The following SCARA5 variants were observed in gnomAD, a reference collection of about 807,000 sequenced individuals.
SCARA5 encodes scavenger receptor class A member 5.
A neutral mutation model predicts 46.3 loss-of-function variants in SCARA5; 45 were observed. The observed-to-expected ratio is 0.97, with a 90% CI of 0.76 to 1.24. The LOEUF (loss-of-function observed/expected upper bound fraction) is 1.24, where lower values mean the gene tolerates loss of function less well. Ranked by LOEUF, SCARA5 falls within the 50% of genes most tolerant of loss-of-function variation. The pLI, the probability that SCARA5 is intolerant of heterozygous loss-of-function variation, is 0.00. For missense variants in SCARA5, 680 were observed against 689.0 expected (o/e 0.99, Z 0.15); for synonymous variants, 333 against 306.5 (o/e 1.09, Z -0.90).
At chr8:27,917,678 G>C (rs1807484033) in intron 4 of SCARA5, among the ~76,000 whole-genome samples, 1 of 152,206 alleles carries the variant, frequency 6.6e-6, no homozygotes, top group Non-Finnish European at 1.5e-5. Context: ...CCTTTTTGCA[G>C]GATGTGAGGA....
At chr8:27,938,141 C>G (rs1807886557) in intron 3 of SCARA5, among the ~76,000 whole-genome samples, 1 of 152,086 alleles carries the variant, frequency 6.6e-6, no homozygotes, top group Non-Finnish European at 1.5e-5. Context: ...GAAGAGCCTA[C>G]AATGAGCCCA....
intron 3 of SCARA5, among the ~76,000 whole-genome samples, chr8:27,940,737 C>T (rs1249998937): frequency 1.7e-5 from 2 of 117,696 alleles, no homozygotes. Flanking sequence ...CACCCATCTG[C>T]CCATCCACCC....
chr8:27,987,666 G>A (rs1163086420), intron 1 of SCARA5, 36 bp from the exon 2 acceptor site: 17 of 1,241,878 alleles, frequency 1.4e-5, no homozygotes, highest in East Asian at 2.3e-5. Flanking sequence ...GAGGGAGGAC[G>A]AAGGCCGGGA....
At chr8:27,910,881 A>C (rs1273016301) in intron 4 of SCARA5, among the ~76,000 whole-genome samples, 1 of 152,184 alleles carries the variant, frequency 6.6e-6, no homozygotes, top group East Asian at 1.9e-4. Flanking sequence ...GGATTCTGTC[A>C]TACATGATTG....
intron 3 of SCARA5, among the ~76,000 whole-genome samples, chr8:27,922,821 G>A (rs554100317): frequency 6.6e-6 from 1 of 152,178 alleles, no homozygotes; most frequent in Non-Finnish European, 1.5e-5. Context: ...TGAGTCACGA[G>A]GGCAGAGCCC....
rs1340526555 is a variant in SCARA5 at position 27,921,999 on chromosome 8, G to A, written c.488C>T (p.Thr163Ile). ...CCGCAGCAGGGCCACCGCCTGCTCG[G>A]TCTGCACCGCCTGCGCCTGCAGCCC... ...LWGLQAQAVQ[T>I]EQAVALLRDR... Residue 163 changes from threonine (T) to isoleucine (I), a missense_variant, in exon 4 of 9, where the codon ACC becomes ATC. Around this residue, in one of 3 missense-constraint regions of SCARA5, gnomAD observed 438 missense variants for 384.5 expected, o/e 1.14. Transcript: ENST00000354914. 7 of 1,561,918 alleles carry A rather than the reference G, an allele frequency of 4.5e-6. No homozygotes were observed. The South Asian group carries it at 5.9e-5, about 13-fold the overall frequency.
chr8:27,974,719 C>T (rs1209056391), intron 2 of SCARA5, among the ~76,000 whole-genome samples: 1 of 152,014 alleles, frequency 6.6e-6, no homozygotes, highest in East Asian at 1.9e-4. Flanking sequence ...GAAGCTGCCA[C>T]CACTCTCTGG....
At chr8:27,958,755 A>C (rs547853540) in intron 3 of SCARA5, among the ~76,000 whole-genome samples, 1 of 152,312 alleles carries the variant, frequency 6.6e-6, no homozygotes, top group South Asian at 2.1e-4. Flanking sequence ...ATTTAACTTG[A>C]AGCAACAAGA....
intron 5 of SCARA5, 113 bp downstream of exon 5, chr8:27,909,550 G>A (rs767845960): frequency 1.6e-5 from 11 of 689,210 alleles, no homozygotes; most frequent in Non-Finnish European, 2.7e-5. Flanking sequence ...GTTTGAGGCG[G>A]AGTTGATTGG....
chr8:27,986,203 G>T (rs1209960994), intron 2 of SCARA5, among the ~76,000 whole-genome samples: 1 of 152,192 alleles, frequency 6.6e-6, no homozygotes, highest in Non-Finnish European at 1.5e-5. Flanking sequence ...CCGCCTGACT[G>T]GTGTGAGCCT....
chr8:27,871,779 C>A lies in SCARA5; in HGVS notation c.*155G>T. ...CACATGTTCAAGAGGGAAATGACGACCGGCCCCCACGGTCCTGGGATGCAG... is the reference window on the plus strand; with the variant it reads ...CACATGTTCAAGAGGGAAATGACGAACGGCCCCCACGGTCCTGGGATGCAG... On this transcript the variant is annotated 3_prime_UTR_variant, in exon 9 of 9. Coordinates refer to ENST00000354914, the MANE Select transcript of SCARA5 (RefSeq NM_173833.6). The A allele has an allele frequency of 6.8e-7, 1 of 1,472,392 alleles. No homozygotes were observed. The highest frequency in any genetic ancestry group is 1.4e-5 in the South Asian group (1 of 72,090). 91.2% of individuals were successfully genotyped at this position (1,472,392 alleles called of 1,614,324 possible). A position where few individuals can be genotyped will look rare whatever the true frequency, so the allele number is the denominator to read the frequency against.
At chr8:27,975,213 G>T (rs1269370413) in intron 2 of SCARA5, among the ~76,000 whole-genome samples, 1 of 152,208 alleles carries the variant, frequency 6.6e-6, no homozygotes, top group Admixed American at 6.5e-5. Flanking sequence ...TGGAGAGCTG[G>T]ATGTGCAGAG....
chr8:27,952,112 T>A (rs1365058937), intron 3 of SCARA5, among the ~76,000 whole-genome samples: 1 of 151,400 alleles, frequency 6.6e-6, no homozygotes, highest in African/African-American at 2.4e-5. Context: ...GAAACAGACA[T>A]GTAGGGAAGA....
intron 3 of SCARA5, among the ~76,000 whole-genome samples, chr8:27,940,636 A>ACCCCCCC (rs1807927844): frequency 2.3e-5 from 1 of 43,184 alleles, no homozygotes; most frequent in African/African-American, 9.1e-5. Context: ...CCATCCACCC[A>ACCCCCCC]CCCACCCACC....
intron 2 of SCARA5, among the ~76,000 whole-genome samples, chr8:27,967,869 C>A (rs541238472): frequency 6.6e-6 from 1 of 152,014 alleles, no homozygotes; most frequent in Non-Finnish European, 1.5e-5. Context: ...GCTGAGATCA[C>A]GCCACTGCAC....
At chr8:27,874,747 G>A (rs994892641) in intron 8 of SCARA5, among the ~76,000 whole-genome samples, 2 of 152,188 alleles carry the variant, frequency 1.3e-5, no homozygotes, top group African/African-American at 4.8e-5. Flanking sequence ...AATTTTGTCT[G>A]CCTGTTCCCA....
intron 8 of SCARA5, among the ~76,000 whole-genome samples, chr8:27,876,557 C>T (rs1585457389): frequency 6.6e-6 from 1 of 152,058 alleles, no homozygotes; most frequent in South Asian, 2.1e-4. Flanking sequence ...ATGAGAGAGG[C>T]ACAGGATCTG....
At chr8:27,981,258 A>G (rs1808609947) in intron 2 of SCARA5, among the ~76,000 whole-genome samples, 1 of 152,198 alleles carries the variant, frequency 6.6e-6, no homozygotes. Flanking sequence ...GGGTTTCATA[A>G]AAGGAATGTC....
At chr8:27,945,629 G>A (rs933562158) in intron 3 of SCARA5, among the ~76,000 whole-genome samples, 10 of 152,196 alleles carry the variant, frequency 6.6e-5, no homozygotes, top group African/African-American at 2.4e-4. Context: ...TAAATAAGAT[G>A]TGAGTGTCAA....
Sources: gnomAD v4.1 joint callset for allele counts (sites outside exome capture counted in the v4.1 genomes callset) on GRCh38, gnomAD v4.1.1 for gene constraint, gnomAD v4.1.1 regional missense constraint, MANE v1.5 for transcripts, NCBI Gene and HGNC (gene_info 2026-07-23, HGNC 2026-07-21) for gene names.